The following ARID4A variants were observed in gnomAD, a reference collection of about 807,000 sequenced individuals.
ARID4A encodes AT-rich interaction domain 4A.
Under a neutral mutation model 148.6 loss-of-function variants are expected in ARID4A, and 39 were observed. The ratio of observed to expected loss-of-function variants is 0.26; its 90% CI spans 0.20 to 0.34. The LOEUF (loss-of-function observed/expected upper bound fraction) is 0.34, where lower values mean the gene tolerates loss of function less well. Ranked by LOEUF, ARID4A falls within the 10% of genes least tolerant of loss-of-function variation. The pLI, the probability that ARID4A is intolerant of heterozygous loss-of-function variation, is 1.00. For synonymous variants in ARID4A, 475 were observed against 481.2 expected, an observed-to-expected ratio of 0.99 and a Z score of 0.17; for missense variants, 1,265 against 1,449.1, an observed-to-expected ratio of 0.87 and a Z score of 2.06.
chr14:58,299,948 A>G (rs2030996417), intron 2 of ARID4A, 88 bp downstream of exon 2: 5 of 1,578,754 alleles, frequency 3.2e-6, no homozygotes, highest in Non-Finnish European at 3.5e-6. Flanking sequence ...TTGTTTTGCT[A>G]CTCAAAATTG....
intron 18 of ARID4A, among the ~76,000 whole-genome samples, chr14:58,359,949 C>G (rs1427079428): frequency 6.6e-6 from 1 of 152,044 alleles, no homozygotes; most frequent in African/African-American, 2.4e-5. Flanking sequence ...GCCTGTAGTC[C>G]CAGCTACTCG....
At chr14:58,362,124 T>G (rs1041717965) in intron 19 of ARID4A, among the ~76,000 whole-genome samples, 2 of 152,206 alleles carry the variant, frequency 1.3e-5, no homozygotes, top group African/African-American at 4.8e-5. Context: ...ATCCTATAAA[T>G]TCAATGCTGT....
intron 17 of ARID4A, among the ~76,000 whole-genome samples, chr14:58,356,596 C>G (rs1471431881): frequency 2.0e-5 from 3 of 151,628 alleles, no homozygotes; most frequent in Non-Finnish European, 4.4e-5. Context: ...AATCATAGTA[C>G]AGGCAGTTCC....
rs1187554055 is a variant in ARID4A, at chr14:58,323,548, T to C, written c.513T>C (p.Asn171=). 3.1e-6 allele frequency: 5 copies of C among 1,614,002 alleles called. No homozygotes were observed. The highest frequency in any genetic ancestry group is 1.7e-5 in the Admixed American group (1 of 59,944). ...EEEDEDKRRL[N]DELLGKVVSV... is the part of the protein sequence containing the mutation. ...AAGATGAAGACAAGCGCCGTCTCAA[T>C]GATGAATTACTAGGAAAAGTTGTAA... The change falls in exon 8 of 24, where the codon AAT becomes AAC. Residue 171 remains asparagine, a synonymous_variant. Transcript: ENST00000355431.
rs1172376043 is a variant in ARID4A at position 58,373,335 on chromosome 14, A to G, written c.*1346A>G. ...TCATGTATTTAAAGCAGTTTTGCAT[A>G]TACATTATGTAAAAAGGTGATTTTA... On this transcript the variant is annotated 3_prime_UTR_variant, in exon 24 of 24. Coordinates refer to ENST00000355431, the MANE Select transcript of ARID4A (RefSeq NM_002892.4). 1.1e-5 allele frequency: 2 copies of G among 189,156 alleles called. No individual in the cohort carries two copies. The highest frequency in any genetic ancestry group is 4.7e-5 in the African/African-American group (2 of 42,850). 11.7% of individuals were successfully genotyped at this position (189,156 alleles called of 1,614,324 possible). A position where few individuals can be genotyped will look rare whatever the true frequency, so the allele number is the denominator to read the frequency against.
chr14:58,344,198 T>C (rs2034247174), intron 11 of ARID4A, among the ~76,000 whole-genome samples: 1 of 152,186 alleles, frequency 6.6e-6, no homozygotes, highest in African/African-American at 2.4e-5. Context: ...CATTGTGCCA[T>C]CTAAACAGAA....
intron 19 of ARID4A, among the ~76,000 whole-genome samples, chr14:58,362,493 G>C (rs1307785580): frequency 4.6e-5 from 7 of 151,888 alleles, no homozygotes; most frequent in Non-Finnish European, 5.9e-5. Context: ...AGGAGGCTGA[G>C]GTGGGAGGAT....
Position 58,367,000 on chromosome 14 carries a change from GA to G in ARID4A, c.3646del (p.Arg1216AspfsTer2). 3 of 1,493,674 alleles carry G rather than the reference GA, an allele frequency of 2.0e-6. No individual in the cohort carries two copies. The highest frequency in any genetic ancestry group is 2.6e-5 in the Admixed American group (1 of 37,860). The allele number at this position is 1,493,674 out of a possible 1,614,324, so 92.5% of individuals were successfully genotyped here. On this transcript the variant is annotated frameshift_variant, in exon 23 of 24. Transcript: ENST00000355431. LOFTEE classifies it high-confidence loss of function. ...GAAGTTGCAACCATAGACAGGAGGA[GA>G]AAAAGATTAAAAAAGAAAGACAGGG... ...KSEVATIDRR[R>X]KRLKKKDREV...
At chr14:58,336,621 A>G (rs1166537720) in intron 11 of ARID4A, among the ~76,000 whole-genome samples, 1 of 152,206 alleles carries the variant, frequency 6.6e-6, no homozygotes, top group Non-Finnish European at 1.5e-5. Context: ...TTATACCACT[A>G]TTAAAACGTT....
chr14:58,342,502 A>G lies in ARID4A; in HGVS notation c.907-2193A>G, dbSNP rs377182372. On this transcript the variant is annotated intron_variant, in intron 11 of 23. Coordinates refer to ENST00000355431, the MANE Select transcript of ARID4A (RefSeq NM_002892.4). ...TTGGGTACAACCTAATTTGCAATTG[A>G]TGAGTTGATTTTGTTTACTTGTATT... is the stretch of plus-strand genomic sequence containing the variant. Among the ~76,000 whole-genome samples, 4 of 152,332 alleles carry G rather than the reference A, an allele frequency of 2.6e-5. 1 individual carries two copies.
intron 11 of ARID4A, among the ~76,000 whole-genome samples, chr14:58,337,631 C>T (rs1296213632): frequency 3.3e-5 from 5 of 152,080 alleles, no homozygotes; most frequent in Non-Finnish European, 7.4e-5. Flanking sequence ...ACTCTGTAGG[C>T]AATCTCAATT....
chr14:58,321,357 T>A (rs1056969403), intron 7 of ARID4A, among the ~76,000 whole-genome samples: 1 of 152,204 alleles, frequency 6.6e-6, no homozygotes, highest in African/African-American at 2.4e-5. Flanking sequence ...ATTCTTTTCC[T>A]AACGCTATGG....
At position 58,351,242 on chromosome 14, in the gene ARID4A, C is replaced by A; in HGVS notation, c.1574C>A (p.Pro525Gln). 6.2e-7 allele frequency: 1 copy of A among 1,611,482 alleles called. No individual in the cohort carries two copies. Among genetic ancestry groups the A allele is most frequent in the Non-Finnish European group, 8.5e-7 (1 of 1,179,386 alleles). ...CTACTACTGGGGAGAAAAAATACACCAAAGCAAAAAGAGAAGAAAATTAAA... is the reference window on the plus strand; with the variant it reads ...CTACTACTGGGGAGAAAAAATACACAAAAGCAAAAAGAGAAGAAAATTAAA... ...NELLLGRKNT[P>Q]KQKEKKIKKQ... The change falls in exon 16 of 24, where the codon CCA becomes CAA. Residue 525 changes from proline to glutamine, a missense_variant. Coordinates refer to ENST00000355431, the MANE Select transcript of ARID4A (RefSeq NM_002892.4).
At chr14:58,310,303 C>G (rs1264976039) in intron 5 of ARID4A, among the ~76,000 whole-genome samples, 4 of 151,570 alleles carry the variant, frequency 2.6e-5, no homozygotes, top group African/African-American at 9.7e-5. Context: ...AATAACAGAA[C>G]TATTGAAGCT....
intron 11 of ARID4A, among the ~76,000 whole-genome samples, chr14:58,335,528 G>A (rs1263762662): frequency 6.6e-6 from 1 of 151,852 alleles, no homozygotes; most frequent in Non-Finnish European, 1.5e-5. Flanking sequence ...GGTCAGGCTG[G>A]TCTCAAACTC....
At chr14:58,343,909 G>A (rs536276438) in intron 11 of ARID4A, among the ~76,000 whole-genome samples, 28 of 151,900 alleles carry the variant, frequency 1.8e-4, no homozygotes, top group African/African-American at 6.3e-4. Flanking sequence ...TCATTTATAT[G>A]GAGGAAACAT....
chr14:58,351,045 A>G (rs775543255), intron 15 of ARID4A, 28 bp from the exon 16 acceptor site: 41 of 1,562,026 alleles, frequency 2.6e-5, no homozygotes, highest in East Asian at 4.5e-5. Context: ...AGTGATAGCT[A>G]TTTTAAAGCT....
intron 1 of ARID4A, 31 bp from the exon 2 acceptor site, chr14:58,299,767 T>C (rs949151755): frequency 1.3e-6 from 2 of 1,583,214 alleles, no homozygotes; most frequent in Non-Finnish European, 8.7e-7. Context: ...TGACTGATTA[T>C]GTCTGTGCCT....
At chr14:58,354,566 C>T (rs1393610243) in intron 17 of ARID4A, among the ~76,000 whole-genome samples, 1 of 151,792 alleles carries the variant, frequency 6.6e-6, no homozygotes, top group African/African-American at 2.4e-5. Context: ...ACCTGTAGTC[C>T]CAGTTACCCA....
Sources: gnomAD v4.1 joint callset for allele counts (sites outside exome capture counted in the v4.1 genomes callset) on GRCh38, gnomAD v4.1.1 for gene constraint, MANE v1.5 for transcripts, NCBI Gene and HGNC (gene_info 2026-07-23, HGNC 2026-07-21) for gene names.